The following SH3BP2 variants were observed in gnomAD, a reference collection of about 807,000 sequenced individuals.
SH3BP2 encodes the protein SH3 domain-binding protein 2.
A neutral mutation model predicts 56.2 loss-of-function variants in SH3BP2; 38 were observed. The observed-to-expected ratio is 0.68, with a 90% CI of 0.52 to 0.89. The LOEUF (loss-of-function observed/expected upper bound fraction) is 0.89, where lower values mean the gene tolerates loss of function less well. Among genes scored for constraint, SH3BP2 ranks in the 40% least tolerant of loss-of-function variants. SH3BP2 has a pLI of 0.00. For missense variants in SH3BP2, 748 were observed against 762.6 expected, an observed-to-expected ratio of 0.98 and a Z score of 0.23; for synonymous variants, 346 against 316.7, an observed-to-expected ratio of 1.09 and a Z score of -0.98.
intron 2 of SH3BP2, among the ~76,000 whole-genome samples, chr4:2,822,136 A>G (rs769032065): frequency 6.6e-6 from 1 of 152,126 alleles, no homozygotes; most frequent in Non-Finnish European, 1.5e-5. Flanking sequence ...AAGTTCTGGG[A>G]TTACAGGCAT....
intron 1 of SH3BP2, chr4:2,799,313 G>A (rs1723164930): frequency 1.0e-6 from 1 of 985,310 alleles, no homozygotes; most frequent in African/African-American, 1.7e-5. Flanking sequence ...GAGGTGGGAT[G>A]GGGCCCTGGG....
rs1432670731 is a variant in SH3BP2, at chr4:2,840,695, G to A, written c.*6861G>A. ...CTGGCTCTTTGTATTTTCATGTAAG[G>A]TTTTTCTCCCATATAAGTTTTAAAA... is the stretch of plus-strand genomic sequence containing the variant. On this transcript the variant is annotated 3_prime_UTR_variant, in exon 13 of 13. Coordinates refer to ENST00000503393, the MANE Select transcript of SH3BP2 (RefSeq NM_001122681.2). The A allele has an allele frequency of 6.6e-6, 1 of 152,086 alleles. No individual in the cohort carries two copies. Among genetic ancestry groups the A allele is most frequent in the Non-Finnish European group, 1.5e-5 (1 of 68,012 alleles). The allele number at this position is 152,086 out of a possible 1,614,324, so 9.4% of individuals were successfully genotyped here.
At position 2,829,597 on chromosome 4, in the gene SH3BP2, C is replaced by T. The variant is rs139509715; in HGVS notation, c.691C>T (p.Pro231Ser). The T allele has an allele frequency of 6.2e-7, 1 of 1,612,520 alleles. No individual in the cohort carries two copies. The highest frequency in any genetic ancestry group is 1.3e-5 in the African/African-American group (1 of 74,862). Residue 231 changes from proline (P) to serine (S), a missense_variant, in exon 8 of 13, where the codon CCC (proline) becomes TCC (serine). By Grantham distance (74) the Pro-to-Ser change is moderately conservative. Coordinates refer to ENST00000503393, the MANE Select transcript of SH3BP2 (RefSeq NM_001122681.2). This position sits in a 1 kb window ranked among gnomAD's most constrained non-coding sequence, Gnocchi z 4.9. Reference sequence around the variant, plus strand: ...GGCCCACTCCTTTACCTCCAAGGGCCCCGGTCCCCTACTGCCACCCCCGCC... The same window carrying T: ...GGCCCACTCCTTTACCTCCAAGGGCTCCGGTCCCCTACTGCCACCCCCGCC... Reference protein sequence around the residue: ...PRAHSFTSKGPGPLLPPPPPK... With the variant: ...PRAHSFTSKGSGPLLPPPPPK...
intron 5 of SH3BP2, chr4:2,826,851 CAG>C (rs898687320): frequency 2.0e-5 from 9 of 457,700 alleles, no homozygotes; most frequent in African/African-American, 3.9e-5. Flanking sequence ...GTCTGTGTGA[CAG>C]AGTCCTTGTG....
At position 2,834,230 on chromosome 4, in the gene SH3BP2, C is replaced by T. The variant is rs376866596; in HGVS notation, c.*396C>T. 1.7e-4 allele frequency: 33 copies of T among 193,142 alleles called. No homozygotes were observed. The highest frequency in any genetic ancestry group is 4.9e-4 in the African/African-American group (21 of 42,870). 12.0% of individuals were successfully genotyped at this position (193,142 alleles called of 1,614,324 possible). The stretch of plus-strand genomic sequence containing the variant: ...GGGCTGGCCCTGGGACCCCCAGGAA[C>T]GCTAAGACACAGGCTCCAGTAGGGG... On this transcript the variant is annotated 3_prime_UTR_variant, in exon 13 of 13. Coordinates refer to ENST00000503393, the MANE Select transcript of SH3BP2 (RefSeq NM_001122681.2).
At position 2,832,395 on chromosome 4, in the gene SH3BP2, T is replaced by C; in HGVS notation, c.1471T>C (p.Ser491Pro). Residue 491 changes from serine to proline, a missense_variant, in exon 11 of 13, where the codon TCT (serine) becomes CCT (proline). Ser to Pro is a moderately conservative substitution (Grantham distance 74). This residue lies in a region of SH3BP2 where 635 missense variants were observed against 615.0 expected (regional missense o/e 1.03). Transcript: ENST00000503393. The part of the protein sequence containing the change: ...QDGLYCIRNS[S>P]TKSGKVLVVW... ...TGGACTCTACTGCATCCGGAACTCC[T>C]CTACCAAGTCGGGGAAGGTAGGCGC... The C allele has an allele frequency of 6.2e-7, 1 of 1,614,052 alleles. No homozygotes were observed. The highest frequency in any genetic ancestry group is 8.5e-7 in the Non-Finnish European group (1 of 1,179,938).
chr4:2,832,825 C>T (rs375888740), intron 11 of SH3BP2, among the ~76,000 whole-genome samples, 165 bp from the exon 12 acceptor site: 21 of 152,292 alleles, frequency 1.4e-4, no homozygotes, highest in South Asian at 8.3e-4. Context: ...CTGCCAGTGT[C>T]GCCCCCGCTG....
At chr4:2,823,215 G>A (rs1009762764) in intron 3 of SH3BP2, among the ~76,000 whole-genome samples, 178 bp downstream of exon 3, 5 of 152,122 alleles carry the variant, frequency 3.3e-5, no homozygotes, top group South Asian at 2.1e-4. Flanking sequence ...CCCTCTCCGC[G>A]TGTCCTGCCC....
At chr4:2,801,964 C>T (rs577079435) in intron 1 of SH3BP2, among the ~76,000 whole-genome samples, 1 of 151,868 alleles carries the variant, frequency 6.6e-6, no homozygotes, top group South Asian at 2.1e-4. Context: ...AAAAATAAGC[C>T]AGGCATGTTG....
At chr4:2,798,832 A>G (rs1723146584) in intron 1 of SH3BP2, among the ~76,000 whole-genome samples, 1 of 152,236 alleles carries the variant, frequency 6.6e-6, no homozygotes, top group Non-Finnish European at 1.5e-5. Flanking sequence ...TGGGTGGCTC[A>G]GGTGGCTCCA....
rs375419257 is a variant in SH3BP2, at chr4:2,820,713, C to T, written c.96C>T (p.Tyr32=). Residue 32 remains tyrosine, a synonymous_variant, in exon 2 of 13, where the codon TAC becomes TAT. Coordinates refer to ENST00000503393, the MANE Select transcript of SH3BP2 (RefSeq NM_001122681.2). The part of the protein sequence containing the change: ...TMPGGVAKAG[Y]LHKKGGTQLQ... Reference sequence around the variant, plus strand: ...CTGGGGGCGTGGCCAAGGCTGGCTACCTGCACAAGAAGGGCGGTACCCAGC... The same window carrying T: ...CTGGGGGCGTGGCCAAGGCTGGCTATCTGCACAAGAAGGGCGGTACCCAGC... 13 of 1,613,974 alleles carry T rather than the reference C, an allele frequency of 8.1e-6. No homozygotes were observed. The highest frequency in any genetic ancestry group is 1.1e-5 in the Non-Finnish European group (13 of 1,179,960).
rs189595794 is a variant in SH3BP2, at chr4:2,825,270, C to T, written c.428+74C>T. 1.2e-3 allele frequency: 1,545 copies of T among 1,239,168 alleles called. 4 individuals carry two copies. Among genetic ancestry groups the T allele is most frequent in the Middle Eastern group, 6.4e-3 (34 of 5,296 alleles). The allele number at this position is 1,239,168 out of a possible 1,614,324, so 76.8% of individuals were successfully genotyped here. On this transcript the variant is annotated intron_variant, in intron 5 of 12. Coordinates refer to ENST00000503393, the MANE Select transcript of SH3BP2 (RefSeq NM_001122681.2). ...CTGGGCCTGACCCGGGTGTCCGCCT[C>T]CCAGCCCCGGGCTTGGCATAGAATT...
Position 2,841,003 on chromosome 4 carries a change from T to G in SH3BP2, c.*7169T>G, listed in dbSNP as rs1725406197. On this transcript the variant is annotated 3_prime_UTR_variant, in exon 13 of 13. Transcript: ENST00000503393. ...ATTTTTAATTTCATTTTTTTTTTTG[T>G]TAATAGCATATAAAACACACCTTGT... The G allele has an allele frequency of 6.7e-6, 1 of 150,328 alleles. No individual in the cohort carries two copies. Among genetic ancestry groups the G allele is most frequent in the African/African-American group, 2.5e-5 (1 of 40,572 alleles). 9.3% of individuals were successfully genotyped at this position (150,328 alleles called of 1,614,324 possible).
At chr4:2,807,034 C>G (rs1723562338) in intron 1 of SH3BP2, among the ~76,000 whole-genome samples, 3 of 152,260 alleles carry the variant, frequency 2.0e-5, no homozygotes, top group African/African-American at 4.8e-5. Context: ...CTGCCTCCAC[C>G]CTGCACCGCT....
In SH3BP2 at chr4:2,833,789, G is replaced by C. The variant is rs1030615203; in HGVS notation, c.1641G>C (p.Gln547His). 6.3e-7 allele frequency: 1 copy of C among 1,596,596 alleles called. No homozygotes were observed. The highest frequency in any genetic ancestry group is 8.5e-7 in the Non-Finnish European group (1 of 1,171,510). The change falls in exon 13 of 13, where the codon CAG (glutamine) becomes CAC (histidine). Residue 547 changes from glutamine to histidine, a missense_variant. Physicochemically the swap from Gln to His is conservative, Grantham distance 24. Transcript: ENST00000503393. The stretch of plus-strand genomic sequence containing the variant: ...ACACCCACGTGCTGCCCAGCCACCA[G>C]AGCCTGCTGCTGCGGCACCCCTACG... ...HYHTHVLPSH[Q>H]SLLLRHPYGY...
intron 1 of SH3BP2, among the ~76,000 whole-genome samples, chr4:2,815,957 CT>C (rs1164737346): frequency 2.6e-5 from 4 of 152,172 alleles, no homozygotes; most frequent in African/African-American, 9.7e-5. Context: ...CTTGAACTAA[CT>C]CTTCCTTTCA....
In SH3BP2 at chr4:2,831,952, C is replaced by T; in HGVS notation, c.1380C>T (p.Asn460=). The change falls in exon 10 of 13, where the codon AAC becomes AAT. Residue 460 remains asparagine, a synonymous_variant. Transcript: ENST00000503393. This position sits in a 1 kb window ranked among gnomAD's most constrained non-coding sequence, Gnocchi z 4.1. ...KVPLPNSVFV[N]TTESCEVERL... ...CACTGCCCAACTCGGTCTTCGTCAA[C>T]ACCACGGAGTCCTGCGAAGTGGAAA... 1.9e-6 allele frequency: 3 copies of T among 1,613,110 alleles called. No individual in the cohort carries two copies. Among genetic ancestry groups the T allele is most frequent in the Non-Finnish European group, 2.5e-6 (3 of 1,180,034 alleles).
chr4:2,825,058 A>C (rs2108731114), intron 4 of SH3BP2, 68 bp from the exon 5 acceptor site: 1 of 1,389,914 alleles, frequency 7.2e-7, no homozygotes, highest in African/African-American at 1.4e-5. Flanking sequence ...CAGGGCAGTG[A>C]AGGTGGAGGG....
chr4:2,806,280 T>G (rs1168450667), intron 1 of SH3BP2, among the ~76,000 whole-genome samples: 1 of 152,086 alleles, frequency 6.6e-6, no homozygotes, highest in African/African-American at 2.4e-5. Context: ...GTGCCCAGGC[T>G]GGCTGCGGTG....
Sources: allele counts gnomAD v4.1 joint callset (sites outside exome capture counted in the v4.1 genomes callset), GRCh38; gene constraint gnomAD v4.1.1; regional missense constraint gnomAD v4.1.1; non-coding constraint Gnocchi (gnomAD v3.1); transcripts MANE v1.5; gene names NCBI Gene and HGNC (gene_info 2026-07-23, HGNC 2026-07-21).